The following UNC13C variants were observed in gnomAD, a reference collection of about 807,000 sequenced individuals.
UNC13C encodes the protein protein unc-13 homolog C.
UNC13C carries 174 observed loss-of-function variants against 245.4 expected under a neutral mutation model. The observed-to-expected ratio is 0.71, with a 90% CI of 0.63 to 0.80. UNC13C has a LOEUF of 0.80. UNC13C is among the 30% of genes least tolerant of loss of function. The pLI is 0.00. For missense variants in UNC13C, 2,829 were observed against 2,602.9 expected (o/e 1.09, Z -1.89); for synonymous variants, 992 against 895.1 (o/e 1.11, Z -1.93).
intron 13 of UNC13C, among the ~76,000 whole-genome samples, chr15:54,309,745 A>G (rs2037820011): frequency 6.6e-6 from 1 of 151,896 alleles, no homozygotes; most frequent in Non-Finnish European, 1.5e-5. Context: ...TTTTTTCAAC[A>G]TCATTATTAA....
chr15:54,477,598 T>C (rs545878138), intron 19 of UNC13C, among the ~76,000 whole-genome samples: 2 of 118,646 alleles, frequency 1.7e-5, no homozygotes, highest in African/African-American at 6.4e-5. Flanking sequence ...TCTGTTTATA[T>C]GCTGGATTAC....
At position 54,316,216 on chromosome 15, in the gene UNC13C, G is replaced by A. The variant is rs374016153; in HGVS notation, c.4269-5723G>A. Among the ~76,000 whole-genome samples, 10 of 151,976 alleles carry A rather than the reference G, an allele frequency of 6.6e-5. No individual in the cohort carries two copies. The East Asian group carries it at 7.8e-4, about 12-fold the overall frequency. On this transcript the variant is annotated intron_variant, in intron 13 of 32. Coordinates refer to ENST00000260323, the MANE Select transcript of UNC13C (RefSeq NM_001080534.3). ...CCTAACATGTTACATAAGACTCTCT[G>A]TAAACCCCTCAGACTTATCTTTGGC...
chr15:54,517,033 C>A (rs1179753319), intron 24 of UNC13C, among the ~76,000 whole-genome samples: 1 of 152,016 alleles, frequency 6.6e-6, no homozygotes, highest in Non-Finnish European at 1.5e-5. Context: ...ATACAAAATT[C>A]TTGCAGTTTT....
intron 2 of UNC13C, among the ~76,000 whole-genome samples, chr15:54,019,515 G>A (rs1895803618): frequency 6.6e-6 from 1 of 152,184 alleles, no homozygotes; most frequent in African/African-American, 2.4e-5. Context: ...TACTATAACA[G>A]CTGCTTGAAG....
At chr15:54,168,492 T>G (rs1465823030) in intron 4 of UNC13C, among the ~76,000 whole-genome samples, 1 of 152,234 alleles carries the variant, frequency 6.6e-6, no homozygotes, top group African/African-American at 2.4e-5. Flanking sequence ...CTAATACAGA[T>G]GCTCTTTTAA....
chr15:54,132,730 T>A (rs1475588061), intron 2 of UNC13C, among the ~76,000 whole-genome samples: 1 of 152,228 alleles, frequency 6.6e-6, no homozygotes, highest in Non-Finnish European at 1.5e-5. Flanking sequence ...ATACTACACA[T>A]GTATCAAAGT....
chr15:53,981,530 T>A (rs1468322132), intron 1 of UNC13C, among the ~76,000 whole-genome samples: 1 of 152,200 alleles, frequency 6.6e-6, no homozygotes, highest in Non-Finnish European at 1.5e-5. Flanking sequence ...AAATTCAAAG[T>A]ATCAAATTTG....
chr15:54,313,477 A>G lies in UNC13C; in HGVS notation c.4269-8462A>G, dbSNP rs116845181. Among the ~76,000 whole-genome samples, 493 of 151,964 alleles carry G rather than the reference A, an allele frequency of 3.2e-3. 18 individuals are homozygous for G. In the East Asian group the frequency reaches 0.067, roughly 21 times the overall value. ...AATTTTGCTGATTCAAATTTTGCCTATTGTTGACTTTAAGAGTCTCTTTGT... is the reference window on the plus strand; with the variant it reads ...AATTTTGCTGATTCAAATTTTGCCTGTTGTTGACTTTAAGAGTCTCTTTGT... On this transcript the variant is annotated intron_variant, in intron 13 of 32. Transcript: ENST00000260323.
the UNC13C span, among the ~76,000 whole-genome samples, chr15:53,927,864 C>T: frequency 1.3e-5 from 2 of 152,078 alleles, no homozygotes; most frequent in Admixed American, 6.6e-5. Flanking sequence ...AGCCAGCTAC[C>T]ATCATGTCTC....
the UNC13C span, among the ~76,000 whole-genome samples, chr15:53,864,185 A>G: frequency 6.6e-6 from 1 of 152,180 alleles, no homozygotes; most frequent in Non-Finnish European, 1.5e-5. Context: ...AACCTAAAAC[A>G]CCAATTCAAG....
chr15:54,555,630 A>G, intron 29 of UNC13C, 118 bp downstream of exon 29: 1 of 723,984 alleles, frequency 1.4e-6, no homozygotes, highest in Non-Finnish European at 2.3e-6. Context: ...GAGATAGTAG[A>G]TAGTTGAATA....
intron 4 of UNC13C, among the ~76,000 whole-genome samples, chr15:54,169,938 T>A (rs758072722): frequency 6.6e-6 from 1 of 151,936 alleles, no homozygotes; most frequent in Admixed American, 6.6e-5. Flanking sequence ...TTGATATCTA[T>A]CTCCTCTCCC....
chr15:54,411,024 GT>G (rs1325292480), intron 18 of UNC13C, among the ~76,000 whole-genome samples: 1 of 151,594 alleles, frequency 6.6e-6, no homozygotes, highest in Non-Finnish European at 1.5e-5. Context: ...TCTGCCTTTT[GT>G]TTTTTTTAAG....
intron 30 of UNC13C, 87 bp downstream of exon 30, chr15:54,568,034 ATTT>A: frequency 9.2e-7 from 1 of 1,089,332 alleles, no homozygotes; most frequent in South Asian, 3.4e-5. Context: ...AGTCCCAATA[ATTT>A]TTTGCTGTTG....
At chr15:54,237,128 T>C (rs1385480981) in intron 6 of UNC13C, among the ~76,000 whole-genome samples, 2 of 152,150 alleles carry the variant, frequency 1.3e-5, no homozygotes, top group African/African-American at 4.8e-5. Flanking sequence ...AAATGAACAC[T>C]TAGAAAAAAT....
chr15:53,872,959 G>A, the UNC13C span, among the ~76,000 whole-genome samples: 1 of 152,128 alleles, frequency 6.6e-6, no homozygotes, highest in African/African-American at 2.4e-5. Flanking sequence ...TTTGGTTGCT[G>A]TAGTTCTCAG....
chr15:54,452,981 A>C (rs1891263352), intron 19 of UNC13C, among the ~76,000 whole-genome samples: 1 of 152,194 alleles, frequency 6.6e-6, no homozygotes, highest in African/African-American at 2.4e-5. Context: ...GTGGAAATGC[A>C]GAGGCTGTTG....
chr15:54,425,122 T>G (rs1279391733), intron 19 of UNC13C, among the ~76,000 whole-genome samples: 3 of 151,838 alleles, frequency 2.0e-5, no homozygotes, highest in Non-Finnish European at 4.4e-5. Context: ...CATTAGGATA[T>G]AGTTTATTCT....
At chr15:54,455,148 A>G (rs1413592374) in intron 19 of UNC13C, among the ~76,000 whole-genome samples, 2 of 108,416 alleles carry the variant, frequency 1.8e-5, no homozygotes, top group Non-Finnish European at 1.8e-5. Flanking sequence ...ATTCCTTTCT[A>G]TGGCTGAGTC....
Sources: gnomAD v4.1 joint callset for allele counts (sites outside exome capture counted in the v4.1 genomes callset) on GRCh38, gnomAD v4.1.1 for gene constraint, MANE v1.5 for transcripts, NCBI Gene and HGNC (gene_info 2026-07-23, HGNC 2026-07-21) for gene names.